Variants in EPN2 observed in about 807,000 individuals in gnomAD.
EPN2 encodes epsin 2.
A neutral mutation model predicts 61.7 loss-of-function variants in EPN2; 34 were observed. The observed-to-expected ratio is 0.55, with a 90% CI of 0.42 to 0.73. The LOEUF (loss-of-function observed/expected upper bound fraction) is 0.73. Among genes scored for constraint, EPN2 ranks in the 30% least tolerant of loss-of-function variants. The pLI is 0.00. For missense variants in EPN2, 714 were observed against 839.2 expected (o/e 0.85, Z 1.84); for synonymous variants, 349 against 353.6 (o/e 0.99, Z 0.15).
intron 1 of EPN2, among the ~76,000 whole-genome samples, chr17:19,261,747 C>T (rs1400682665): frequency 6.6e-6 from 1 of 152,232 alleles, no homozygotes; most frequent in Non-Finnish European, 1.5e-5. Context: ...AGCCAACCCT[C>T]TCACCTCAGT....
chr17:19,247,975 C>A (rs538302199), intron 1 of EPN2, among the ~76,000 whole-genome samples: 1 of 152,194 alleles, frequency 6.6e-6, no homozygotes, highest in South Asian at 2.1e-4. Flanking sequence ...ATGATGGGGC[C>A]CTACCCCAGA....
intron 4 of EPN2, among the ~76,000 whole-genome samples, chr17:19,304,453 C>T (rs1905722413): frequency 6.6e-6 from 1 of 152,224 alleles, no homozygotes; most frequent in African/African-American, 2.4e-5. Context: ...CGAAGTAGGT[C>T]AGCCCAGCAG....
chr17:19,313,251 G>A lies in EPN2; in HGVS notation c.1119G>A (p.Ala373=), dbSNP rs979355920. The change falls in exon 7 of 11, where the codon GCG becomes GCA. Residue 373 remains alanine, a synonymous_variant. Coordinates refer to ENST00000314728, the MANE Select transcript of EPN2 (RefSeq NM_014964.5). ...CCTGGGGCGGGCCAGCGGCTCCTGCGAGTACTTCAGACCCCTGGCCATCGT... is the reference window on the plus strand; with the variant it reads ...CCTGGGGCGGGCCAGCGGCTCCTGCAAGTACTTCAGACCCCTGGCCATCGT... The part of the protein sequence containing the change: ...TNPWGGPAAP[A]STSDPWPSFG... 2 of 1,578,472 alleles carry A rather than the reference G, an allele frequency of 1.3e-6. No individual in the cohort carries two copies. Among genetic ancestry groups the A allele is most frequent in the Non-Finnish European group, 1.7e-6 (2 of 1,165,846 alleles).
chr17:19,305,561 A>G (rs1301685803), intron 4 of EPN2, among the ~76,000 whole-genome samples: 2 of 152,234 alleles, frequency 1.3e-5, no homozygotes, highest in Admixed American at 6.5e-5. Flanking sequence ...TGCAAAATGT[A>G]GCTGATAAGA....
At chr17:19,292,234 C>A (rs940577492) in intron 4 of EPN2, among the ~76,000 whole-genome samples, 1 of 152,196 alleles carries the variant, frequency 6.6e-6, no homozygotes, top group African/African-American at 2.4e-5. Context: ...CTGCCAGGAA[C>A]TAGGAGGGCA....
chr17:19,276,514 A>G (rs1478630098), intron 1 of EPN2: 2 of 151,682 alleles, frequency 1.3e-5, no homozygotes, highest in African/African-American at 2.4e-5. Context: ...ACCTGGCCCT[A>G]TTCCTGTGAC....
chr17:19,241,313 G>A (rs2044882040), intron 1 of EPN2, among the ~76,000 whole-genome samples: 1 of 152,138 alleles, frequency 6.6e-6, no homozygotes, highest in African/African-American at 2.4e-5. Context: ...TGCCGGGCAT[G>A]GTGGCTCACG....
Position 19,308,274 on chromosome 17 carries a change from A to C in EPN2, c.767-1611A>C, listed in dbSNP as rs964800152. 6 of 732,422 alleles carry C rather than the reference A, an allele frequency of 8.2e-6. No individual in the cohort carries two copies. The African/African-American group carries it at 9.6e-5, about 12-fold the overall frequency. The allele number at this position is 732,422 out of a possible 1,614,324, so 45.4% of individuals were successfully genotyped here. A position where few individuals can be genotyped will look rare whatever the true frequency, so the allele number is the denominator to read the frequency against. On this transcript the variant is annotated intron_variant, in intron 4 of 10. Coordinates refer to ENST00000314728, the MANE Select transcript of EPN2 (RefSeq NM_014964.5). Reference sequence around the variant, plus strand: ...TTTTTAGTAGAGACCGGGTTTTACCATTTTGGCCAGGCTTGTCTAGAACTC... The same window carrying C: ...TTTTTAGTAGAGACCGGGTTTTACCCTTTTGGCCAGGCTTGTCTAGAACTC...
In EPN2 at chr17:19,330,217, C is replaced by T. The variant is rs371109205; in HGVS notation, c.1411+570C>T. ...GGAGGGAGAAGGCCTGGGATGCATT[C>T]TTCACACACCCTGTTTGGACTGGGG... On this transcript the variant is annotated intron_variant, in intron 9 of 10. Coordinates refer to ENST00000314728, the MANE Select transcript of EPN2 (RefSeq NM_014964.5). Among the ~76,000 whole-genome samples, 24 of 152,358 alleles carry T rather than the reference C, an allele frequency of 1.6e-4. 1 individual carries two copies. In the East Asian group the frequency reaches 4.2e-3, roughly 27 times the overall value.
chr17:19,249,068 C>A (rs1327630706), intron 1 of EPN2, among the ~76,000 whole-genome samples: 1 of 152,196 alleles, frequency 6.6e-6, no homozygotes, highest in Non-Finnish European at 1.5e-5. Flanking sequence ...ACCAGACTCT[C>A]CAGGCAGGAC....
intron 1 of EPN2, among the ~76,000 whole-genome samples, chr17:19,271,945 C>A (rs866914507): frequency 1.3e-5 from 2 of 152,224 alleles, no homozygotes; most frequent in Non-Finnish European, 2.9e-5. Flanking sequence ...AGGCTCCTCG[C>A]GAGATGGCGA....
At chr17:19,289,693 G>A (rs768381706) in intron 4 of EPN2, among the ~76,000 whole-genome samples, 1 of 146,572 alleles carries the variant, frequency 6.8e-6, no homozygotes, top group Non-Finnish European at 1.5e-5. Context: ...GCTTATAGCC[G>A]TCAGCTGTTC....
chr17:19,285,580 C>T lies in EPN2; in HGVS notation c.596-40C>T, dbSNP rs779828217. The T allele has an allele frequency of 4.8e-6, 7 of 1,462,114 alleles. No individual in the cohort carries two copies. The highest frequency in any genetic ancestry group is 5.2e-5 in the East Asian group (2 of 38,380). The allele number at this position is 1,462,114 out of a possible 1,614,324, so 90.6% of individuals were successfully genotyped here. A position where few individuals can be genotyped will look rare whatever the true frequency, so the allele number is the denominator to read the frequency against. ...GGGGCTGCTGCGCACCCTCTAATGGCGTGTCTCTCTGTGTGTGTGTGTGTG... is the reference window on the plus strand; with the variant it reads ...GGGGCTGCTGCGCACCCTCTAATGGTGTGTCTCTCTGTGTGTGTGTGTGTG... On this transcript the variant is annotated intron_variant, in intron 3 of 10. Transcript: ENST00000314728. The surrounding 1 kb of genome is among the most constrained non-coding windows in gnomAD (Gnocchi z 4.5).
chr17:19,327,071 C>T (rs1029674557), intron 7 of EPN2, among the ~76,000 whole-genome samples: 15 of 152,102 alleles, frequency 9.9e-5, no homozygotes, highest in African/African-American at 3.1e-4. Context: ...ACTCCTGGGG[C>T]GGCAAGACTG....
At chr17:19,296,489 C>A (rs562397386) in intron 4 of EPN2, 1 of 151,758 alleles carries the variant, frequency 6.6e-6, no homozygotes, top group East Asian at 1.9e-4. Flanking sequence ...AATGTATGTC[C>A]ATTCATGATA....
chr17:19,326,518 C>T (rs1196119622), intron 7 of EPN2, among the ~76,000 whole-genome samples: 1 of 151,956 alleles, frequency 6.6e-6, no homozygotes, highest in Non-Finnish European at 1.5e-5. Flanking sequence ...AACCCCGTCT[C>T]TCCTAAAAAA....
intron 7 of EPN2, among the ~76,000 whole-genome samples, chr17:19,316,532 T>C (rs1035068258): frequency 6.6e-6 from 1 of 152,262 alleles, no homozygotes; most frequent in African/African-American, 2.4e-5. Context: ...GGCCCTGGCA[T>C]GTCCTGGAAA....
chr17:19,249,222 A>C (rs2044986225), intron 1 of EPN2: 1 of 152,314 alleles, frequency 6.6e-6, no homozygotes, highest in East Asian at 1.9e-4. Flanking sequence ...AAAAGAGCCC[A>C]CTTGAGAAGT....
At chr17:19,240,083 T>G (rs1027876269) in intron 1 of EPN2, among the ~76,000 whole-genome samples, 1 of 152,204 alleles carries the variant, frequency 6.6e-6, no homozygotes, top group Non-Finnish European at 1.5e-5. Context: ...GTCATACTTT[T>G]GGAAAGTACA....
Sources: allele counts gnomAD v4.1 joint callset (sites outside exome capture counted in the v4.1 genomes callset), GRCh38; gene constraint gnomAD v4.1.1; non-coding constraint Gnocchi (gnomAD v3.1); transcripts MANE v1.5; gene names NCBI Gene and HGNC (gene_info 2026-07-23, HGNC 2026-07-21).